TMPRSS15: variants seen among roughly 807,000 people sequenced by gnomAD.
The protein encoded by TMPRSS15 is enteropeptidase.
A neutral mutation model predicts 125.3 loss-of-function variants in TMPRSS15; 128 were observed. The observed-to-expected ratio is 1.02, with a 90% CI of 0.89 to 1.18. TMPRSS15 has a LOEUF of 1.18. Ranked by LOEUF, TMPRSS15 falls within the 50% of genes most tolerant of loss-of-function variation. The pLI is 0.00. For missense variants in TMPRSS15, 1,283 were observed against 1,212.7 expected (o/e 1.06, Z -0.86); for synonymous variants, 446 against 423.2 (o/e 1.05, Z -0.66).
At chr21:18,305,357 T>A (rs563031232) in intron 18 of TMPRSS15, among the ~76,000 whole-genome samples, 1 of 151,772 alleles carries the variant, frequency 6.6e-6, no homozygotes, top group Non-Finnish European at 1.5e-5. Flanking sequence ...CCCGGCTAAT[T>A]TTTTGTATTT....
chr21:18,355,740 T>C (rs1299996326), intron 8 of TMPRSS15, among the ~76,000 whole-genome samples: 1 of 151,830 alleles, frequency 6.6e-6, no homozygotes, highest in Non-Finnish European at 1.5e-5. Context: ...TGTAAGACAG[T>C]GACTGGTATA....
chr21:18,368,739 A>T (rs1399092318), intron 6 of TMPRSS15, among the ~76,000 whole-genome samples: 1 of 152,188 alleles, frequency 6.6e-6, no homozygotes. Context: ...CCACAGGTCA[A>T]ATTCTGCTCT....
At position 18,398,276 on chromosome 21, in the gene TMPRSS15, C is replaced by T. The variant is rs750449733; in HGVS notation, c.199G>A (p.Gly67Arg). Residue 67 changes from glycine to arginine, a missense_variant, in exon 2 of 25, where the codon GGA (glycine) becomes AGA (arginine). Physicochemically the swap from Gly to Arg is moderately radical, Grantham distance 125. Coordinates refer to ENST00000284885, the MANE Select transcript of TMPRSS15 (RefSeq NM_002772.3). Reference protein sequence around the residue: ...EARATFKITSGVTYNPNLQDK... With the variant: ...EARATFKITSRVTYNPNLQDK... ...TGCAAATTAGGATTATATGTAACTC[C>T]GGATGTTATTTTAAATGTCGCTCTG... The T allele has an allele frequency of 8.1e-6, 13 of 1,613,646 alleles. No individual in the cohort carries two copies. Among genetic ancestry groups the T allele is most frequent in the South Asian group, 2.2e-5 (2 of 91,066 alleles).
intron 1 of TMPRSS15, among the ~76,000 whole-genome samples, chr21:18,440,432 G>C (rs1479847499): frequency 7.3e-6 from 1 of 136,674 alleles, no homozygotes; most frequent in Non-Finnish European, 1.6e-5. Flanking sequence ...TCAATATAAA[G>C]AGTCTATGTA....
rs535717894 is a variant in TMPRSS15 at position 18,300,466 on chromosome 21, C to T, written c.2166-2637G>A. ...AAGTGATTCTCCTGACTCAGCCTCC[C>T]GAGTATCTGGGACTATAGGCGTGTG... On this transcript the variant is annotated intron_variant, in intron 18 of 24. Coordinates refer to ENST00000284885, the MANE Select transcript of TMPRSS15 (RefSeq NM_002772.3). Among the ~76,000 whole-genome samples the T allele has an allele frequency of 7.9e-5, 12 of 151,932 alleles. No individual in the cohort carries two copies. The South Asian group carries it at 2.3e-3, about 29-fold the overall frequency.
At chr21:18,435,402 T>C (rs938419026) in intron 1 of TMPRSS15, among the ~76,000 whole-genome samples, 9 of 152,222 alleles carry the variant, frequency 5.9e-5, no homozygotes, top group African/African-American at 1.9e-4. Flanking sequence ...GTGGCTTTTG[T>C]CTTTGGTTCT....
At chr21:18,279,515 T>TC (rs932868490) in intron 22 of TMPRSS15, among the ~76,000 whole-genome samples, 24 of 149,764 alleles carry the variant, frequency 1.6e-4, no homozygotes, top group East Asian at 7.8e-4. Flanking sequence ...TTTTTTTTTT[T>TC]AGTAGAGATG....
intron 6 of TMPRSS15, among the ~76,000 whole-genome samples, chr21:18,366,188 C>G (rs1039551960): frequency 6.6e-6 from 1 of 152,080 alleles, no homozygotes; most frequent in Non-Finnish European, 1.5e-5. Flanking sequence ...TAAATTGGAG[C>G]TAGGTGAATT....
Position 18,275,642 on chromosome 21 carries a change from G to A in TMPRSS15, c.2765-306C>T, listed in dbSNP as rs75073990. Among the ~76,000 whole-genome samples the A allele has an allele frequency of 1.2e-3, 187 of 152,232 alleles. 4 individuals are homozygous for A. The East Asian group carries it at 0.034, about 27-fold the overall frequency. On this transcript the variant is annotated intron_variant, in intron 23 of 24. Transcript: ENST00000284885. ...AAACAGTTACAGGATTGCTCATGGGGGAAAACGCTCCCCAACACAAAGTGT... is the reference window on the plus strand; with the variant it reads ...AAACAGTTACAGGATTGCTCATGGGAGAAAACGCTCCCCAACACAAAGTGT...
intron 21 of TMPRSS15, among the ~76,000 whole-genome samples, chr21:18,292,008 T>C (rs1424318282): frequency 6.6e-6 from 1 of 152,170 alleles, no homozygotes; most frequent in Non-Finnish European, 1.5e-5. Flanking sequence ...CCCATAGTCA[T>C]AAAATGTTTA....
chr21:18,304,184 A>C (rs941862763), intron 18 of TMPRSS15, among the ~76,000 whole-genome samples: 3 of 152,206 alleles, frequency 2.0e-5, no homozygotes, highest in Non-Finnish European at 4.4e-5. Flanking sequence ...AGGACAAACT[A>C]AGAAATGTCC....
chr21:18,480,598 C>T (rs1000819229), intron 1 of TMPRSS15, among the ~76,000 whole-genome samples: 19 of 151,906 alleles, frequency 1.3e-4, no homozygotes, highest in African/African-American at 4.6e-4. Context: ...GTTCTTTTGT[C>T]AGGGTGCTCA....
At chr21:18,313,721 G>A (rs1264987089) in intron 17 of TMPRSS15, among the ~76,000 whole-genome samples, 2 of 151,702 alleles carry the variant, frequency 1.3e-5, no homozygotes, top group African/African-American at 4.8e-5. Flanking sequence ...GCTCTTTTAT[G>A]TAACCATAAA....
At chr21:18,388,956 T>C (rs1365759401) in intron 3 of TMPRSS15, among the ~76,000 whole-genome samples, 1 of 152,010 alleles carries the variant, frequency 6.6e-6, no homozygotes, top group Non-Finnish European at 1.5e-5. Context: ...GGGAAGGGAC[T>C]ATGTACTGTA....
chr21:18,331,908 G>A (rs2075348984), intron 14 of TMPRSS15, among the ~76,000 whole-genome samples, 176 bp downstream of exon 14: 2 of 152,136 alleles, frequency 1.3e-5, no homozygotes, highest in African/African-American at 4.8e-5. Flanking sequence ...TGAAACAAAT[G>A]CTATATATAT....
chr21:18,389,219 AAGG>A (rs1207172869), intron 3 of TMPRSS15, among the ~76,000 whole-genome samples: 1 of 151,586 alleles, frequency 6.6e-6, no homozygotes, highest in African/African-American at 2.4e-5. Context: ...GAAAAAAAGA[AAGG>A]AGGGAGGGAG....
At chr21:18,284,320 C>T (rs2074737567) in intron 21 of TMPRSS15, among the ~76,000 whole-genome samples, 1 of 152,180 alleles carries the variant, frequency 6.6e-6, no homozygotes, top group Non-Finnish European at 1.5e-5. Context: ...CTGGAGAATA[C>T]AGAGCTTACA....
At chr21:18,299,564 G>A (rs1283677319) in intron 18 of TMPRSS15, among the ~76,000 whole-genome samples, 1 of 152,246 alleles carries the variant, frequency 6.6e-6, no homozygotes, top group Non-Finnish European at 1.5e-5. Context: ...ACTGCTGCCA[G>A]AGTAAAGTTG....
chr21:18,367,182 G>A (rs943796486), intron 6 of TMPRSS15, among the ~76,000 whole-genome samples: 2 of 151,902 alleles, frequency 1.3e-5, no homozygotes, highest in Admixed American at 1.3e-4. Context: ...AATAAGAAAA[G>A]AAAAGATAAC....
Sources: allele counts gnomAD v4.1 joint callset (sites outside exome capture counted in the v4.1 genomes callset), GRCh38; gene constraint gnomAD v4.1.1; transcripts MANE v1.5; gene names NCBI Gene and HGNC (gene_info 2026-07-23, HGNC 2026-07-21).